Variants in KCND2 observed in about 807,000 individuals in gnomAD.
KCND2 encodes A-type voltage-gated potassium channel KCND2.
A neutral mutation model predicts 54.4 loss-of-function variants in KCND2; 16 were observed. The observed-to-expected ratio is 0.29, with a 90% confidence interval of 0.20 to 0.45. The LOEUF is 0.45. KCND2 is among the 20% of genes least tolerant of loss of function. KCND2 has a pLI of 1.00. For missense variants in KCND2, 486 were observed against 824.2 expected (o/e 0.59, Z 5.02); for synonymous variants, 317 against 310.7 (o/e 1.02, Z -0.21).
intron 1 of KCND2, among the ~76,000 whole-genome samples, chr7:120,610,938 A>G (rs1279316996): frequency 6.6e-6 from 1 of 152,046 alleles, no homozygotes; most frequent in African/African-American, 2.4e-5. Context: ...TCTCAGAACA[A>G]CTCCAGCCTC....
At position 120,745,980 on chromosome 7, in the gene KCND2, C is replaced by G; in HGVS notation, c.1668C>G (p.Leu556=). Reference sequence around the variant, plus strand: ...GCCATCAAGGTAGTATACAAGAACTCAGCACGATTCAGATCAGATGTGTGG... The same window carrying G: ...GCCATCAAGGTAGTATACAAGAACTGAGCACGATTCAGATCAGATGTGTGG... The part of the protein sequence containing the change: ...SGSHQGSIQE[L]STIQIRCVER... The change falls in exon 5 of 6, where the codon CTC becomes CTG. Residue 556 remains leucine (L), a synonymous_variant. Transcript: ENST00000331113. 1 of 1,613,780 alleles carries G rather than the reference C, an allele frequency of 6.2e-7. No homozygotes were observed. The highest frequency in any genetic ancestry group is 8.5e-7 in the Non-Finnish European group (1 of 1,179,764).
intron 1 of KCND2, among the ~76,000 whole-genome samples, chr7:120,370,569 A>T (rs1391821800): frequency 1.3e-5 from 2 of 152,028 alleles, no homozygotes; most frequent in Non-Finnish European, 2.9e-5. Context: ...GTAAATAATG[A>T]CATCCATATT....
intron 1 of KCND2, among the ~76,000 whole-genome samples, chr7:120,698,906 C>A (rs1427746940): frequency 1.3e-5 from 2 of 152,108 alleles, no homozygotes; most frequent in Admixed American, 6.5e-5. Flanking sequence ...TTTAAAAAGT[C>A]TTTAAATTTA....
At chr7:120,660,169 A>G (rs187166283) in intron 1 of KCND2, among the ~76,000 whole-genome samples, 140 of 152,302 alleles carry the variant, frequency 9.2e-4, no homozygotes, top group African/African-American at 3.2e-3. Context: ...AGATTCTACT[A>G]TTATTTTAAA....
chr7:120,314,349 G>T (rs1799783115), intron 1 of KCND2, among the ~76,000 whole-genome samples: 1 of 149,940 alleles, frequency 6.7e-6, no homozygotes, highest in Admixed American at 6.6e-5. Flanking sequence ...AAAAAAAAAT[G>T]CATTTTTTTG....
chr7:120,397,235 T>A (rs939627664), intron 1 of KCND2, among the ~76,000 whole-genome samples: 2 of 152,052 alleles, frequency 1.3e-5, no homozygotes, highest in African/African-American at 4.8e-5. Context: ...TCCATTAAAC[T>A]CATTCATCAA....
intron 1 of KCND2, among the ~76,000 whole-genome samples, chr7:120,278,876 T>C (rs1799220731): frequency 6.6e-6 from 1 of 151,930 alleles, no homozygotes; most frequent in East Asian, 1.9e-4. Flanking sequence ...GAATTTTTTT[T>C]AAGTGTTTAG....
chr7:120,721,520 CAA>C, intron 1 of KCND2, among the ~76,000 whole-genome samples: 1 of 152,252 alleles, frequency 6.6e-6, no homozygotes, highest in South Asian at 2.1e-4. Flanking sequence ...TCATCAAAAA[CAA>C]AGTTTGTTTA....
intron 4 of KCND2, 21 bp downstream of exon 4, chr7:120,742,623 C>A (rs1191602954): frequency 1.3e-6 from 2 of 1,560,660 alleles, no homozygotes; most frequent in Non-Finnish European, 8.8e-7. Context: ...AGCATGACTG[C>A]CTTCCCTTGC....
chr7:120,573,938 T>C lies in KCND2; in HGVS notation c.1116-158965T>C, dbSNP rs191020255. On this transcript the variant is annotated intron_variant, in intron 1 of 5. Transcript: ENST00000331113. ...TCTTCACTTTTCTGTATACCATTCATTAAATAACTTAAAATTAGGTATTAA... is the reference window on the plus strand; with the variant it reads ...TCTTCACTTTTCTGTATACCATTCACTAAATAACTTAAAATTAGGTATTAA... Among the ~76,000 whole-genome samples the C allele has an allele frequency of 2.5e-3, 375 of 152,268 alleles. 1 individual carries two copies. Among genetic ancestry groups the C allele is most frequent in the African/African-American group, 7.6e-3 (314 of 41,546 alleles).
chr7:120,748,030 C>A lies in KCND2; in HGVS notation c.*172C>A. 2 of 602,682 alleles carry A rather than the reference C, an allele frequency of 3.3e-6. No individual in the cohort carries two copies. The highest frequency in any genetic ancestry group is 2.9e-6 in the Non-Finnish European group (1 of 341,518). The allele number at this position is 602,682 out of a possible 1,614,324, so 37.3% of individuals were successfully genotyped here. Reference sequence around the variant, plus strand: ...GGATGTGAATAAAACCACCAAATGGCATTTCTAGACAGTTTGACCTGTTAT... The same window carrying A: ...GGATGTGAATAAAACCACCAAATGGAATTTCTAGACAGTTTGACCTGTTAT... On this transcript the variant is annotated 3_prime_UTR_variant, in exon 6 of 6. Transcript: ENST00000331113.
At chr7:120,346,969 G>A (rs1207257419) in intron 1 of KCND2, among the ~76,000 whole-genome samples, 1 of 152,156 alleles carries the variant, frequency 6.6e-6, no homozygotes, top group East Asian at 1.9e-4. Context: ...TTCCCTCTAA[G>A]GGATTATAGT....
intron 1 of KCND2, among the ~76,000 whole-genome samples, chr7:120,335,949 CA>C (rs1287481429): frequency 6.6e-6 from 1 of 152,024 alleles, no homozygotes; most frequent in Non-Finnish European, 1.5e-5. Flanking sequence ...AATACTTAAT[CA>C]AACTTAGGAA....
At chr7:120,682,287 A>C (rs1478061358) in intron 1 of KCND2, among the ~76,000 whole-genome samples, 1 of 152,050 alleles carries the variant, frequency 6.6e-6, no homozygotes, top group African/African-American at 2.4e-5. Flanking sequence ...ATTAATAAAC[A>C]TGGGGTATTA....
chr7:120,523,863 A>G (rs1791734788), intron 1 of KCND2, among the ~76,000 whole-genome samples: 1 of 151,530 alleles, frequency 6.6e-6, no homozygotes, highest in African/African-American at 2.4e-5. Flanking sequence ...GTAAAAAAGT[A>G]TAGAATGTTC....
intron 1 of KCND2, among the ~76,000 whole-genome samples, chr7:120,523,684 GAT>G (rs1256153226): frequency 7.4e-6 from 1 of 134,996 alleles, no homozygotes; most frequent in African/African-American, 3.0e-5. Flanking sequence ...TTTATACACA[GAT>G]ATACACACAC....
At chr7:120,743,667 G>A (rs1365251831) in intron 4 of KCND2, among the ~76,000 whole-genome samples, 1 of 152,120 alleles carries the variant, frequency 6.6e-6, no homozygotes, top group Non-Finnish European at 1.5e-5. Context: ...CAATGAAGGG[G>A]CTAACAGGTG....
chr7:120,714,458 A>G (rs958676617), intron 1 of KCND2, among the ~76,000 whole-genome samples: 25 of 152,168 alleles, frequency 1.6e-4, no homozygotes, highest in African/African-American at 6.0e-4. Flanking sequence ...GAATGAGCCA[A>G]TATTGTGTTT....
chr7:120,719,611 T>C (rs1478257364), intron 1 of KCND2, among the ~76,000 whole-genome samples: 1 of 152,166 alleles, frequency 6.6e-6, no homozygotes, highest in East Asian at 1.9e-4. Flanking sequence ...TATTTTTCTT[T>C]ATTTAAATTT....
Sources: allele counts gnomAD v4.1 joint callset (sites outside exome capture counted in the v4.1 genomes callset), GRCh38; gene constraint gnomAD v4.1.1; transcripts MANE v1.5; gene names NCBI Gene and HGNC (gene_info 2026-07-23, HGNC 2026-07-21).